The following MED13L variants were observed in gnomAD, a reference collection of about 807,000 sequenced individuals.
MED13L encodes mediator of RNA polymerase II transcription subunit 13-like.
In MED13L, 7 loss-of-function variants were observed where a neutral mutation model predicts 220.9. That is an observed-to-expected ratio of 0.03 (90% CI 0.02 to 0.06). The LOEUF (loss-of-function observed/expected upper bound fraction) is 0.06. MED13L is among the 10% of genes least tolerant of loss of function. The probability of loss-of-function intolerance (pLI) is 1.00; values close to 1 mark genes in which losing one functional copy is unlikely to be tolerated. For synonymous variants in MED13L, 1,011 were observed against 1,015.2 expected, an observed-to-expected ratio of 1.00 and a Z score of 0.08; for missense variants, 1,965 against 2,760.5, an observed-to-expected ratio of 0.71 and a Z score of 6.46.
rs916455934 is a variant in MED13L at position 115,991,939 on chromosome 12, C to G, written c.3015G>C (p.Gly1005=). 14 of 1,599,434 alleles carry G rather than the reference C, an allele frequency of 8.8e-6. No homozygotes were observed. Among genetic ancestry groups the G allele is most frequent in the African/African-American group, 4.0e-5 (3 of 74,840 alleles). The part of the protein sequence containing the change: ...RDGYNNVPSV[G]SLADPDYLNT... ...TCAGATAGTCTGGATCTGCTAGGCT[C>G]CCAACACTAGGCACGTTACTACAAA... The change falls in exon 17 of 31, where the codon GGG becomes GGC. Residue 1005 remains glycine, a synonymous_variant. Coordinates refer to ENST00000281928, the MANE Select transcript of MED13L (RefSeq NM_015335.5). The surrounding 1 kb of genome is among the most constrained non-coding windows in gnomAD (Gnocchi z 7.7).
At chr12:116,165,576 C>T (rs1004487216) in intron 2 of MED13L, among the ~76,000 whole-genome samples, 3 of 151,806 alleles carry the variant, frequency 2.0e-5, no homozygotes, top group African/African-American at 7.3e-5. Context: ...TGATCCCCCC[C>T]GCCTCAGCCT....
intron 4 of MED13L, among the ~76,000 whole-genome samples, chr12:116,067,787 A>C (rs556718392): frequency 6.6e-6 from 1 of 152,222 alleles, no homozygotes; most frequent in Non-Finnish European, 1.5e-5. Flanking sequence ...TGAACATAAC[A>C]ATCCTTACTT....
chr12:116,026,392 A>C (rs1047335765), intron 4 of MED13L, among the ~76,000 whole-genome samples: 4 of 152,238 alleles, frequency 2.6e-5, no homozygotes, highest in African/African-American at 9.6e-5. Context: ...TAAAAGAGGC[A>C]CTGAAAACAA....
At chr12:115,986,620 A>G (rs747384460) in intron 18 of MED13L, 131 bp from the exon 19 acceptor site, 10 of 895,708 alleles carry the variant, frequency 1.1e-5, no homozygotes, top group Non-Finnish European at 1.6e-5. Context: ...GACATTCTTA[A>G]AAGTATTTTT....
chr12:116,013,710 C>T (rs899416181), intron 8 of MED13L, among the ~76,000 whole-genome samples: 11 of 152,180 alleles, frequency 7.2e-5, no homozygotes, highest in Non-Finnish European at 1.3e-4. Flanking sequence ...AAAAGCAGAT[C>T]GCTTTATTAT....
In MED13L at chr12:115,991,086, T is replaced by C. The variant is rs200622440; in HGVS notation, c.3868A>G (p.Thr1290Ala). The change falls in exon 17 of 31, where the codon ACT becomes GCT. Residue 1290 changes from threonine (T) to alanine (A), a missense_variant. This residue lies in a region of MED13L where 165 missense variants were observed against 190.8 expected (regional missense o/e 0.86). Coordinates refer to ENST00000281928, the MANE Select transcript of MED13L (RefSeq NM_015335.5). This position sits in a 1 kb window ranked among gnomAD's most constrained non-coding sequence, Gnocchi z 7.7. ...EQGRQYVDNPTGGKVDEALVR... is the reference protein window; with the variant it reads ...EQGRQYVDNPAGGKVDEALVR... ...AGAGCTTCGTCCACTTTTCCACCAG[T>C]GGGGTTATCCACATACTGCCGCCCC... 1.6e-5 allele frequency: 26 copies of C among 1,614,042 alleles called. No individual in the cohort carries two copies. The highest frequency in any genetic ancestry group is 2.1e-5 in the Non-Finnish European group (25 of 1,180,026).
At chr12:116,260,496 T>C (rs1872429617) in intron 1 of MED13L, among the ~76,000 whole-genome samples, 1 of 151,614 alleles carries the variant, frequency 6.6e-6, no homozygotes, top group South Asian at 2.1e-4. Flanking sequence ...GAAGGAAAAA[T>C]TTCTCCAACA....
At chr12:116,107,341 A>G (rs1262683230) in intron 3 of MED13L, among the ~76,000 whole-genome samples, 4 of 152,258 alleles carry the variant, frequency 2.6e-5, no homozygotes, top group Non-Finnish European at 5.9e-5. Flanking sequence ...GTTTCAACAA[A>G]TACTGAAAAG....
intron 2 of MED13L, among the ~76,000 whole-genome samples, chr12:116,172,776 G>A (rs946815758): frequency 2.6e-5 from 4 of 152,024 alleles, no homozygotes; most frequent in African/African-American, 7.2e-5. Context: ...AAGAATAATC[G>A]AGATTATATA....
chr12:115,976,254 A>T (rs1455572178), intron 23 of MED13L, among the ~76,000 whole-genome samples: 1 of 152,222 alleles, frequency 6.6e-6, no homozygotes, highest in Admixed American at 6.5e-5. Flanking sequence ...CCAAACAGAA[A>T]GTTATCTAAA....
At chr12:116,168,443 C>G (rs2138171412) in intron 2 of MED13L, among the ~76,000 whole-genome samples, 1 of 152,122 alleles carries the variant, frequency 6.6e-6, no homozygotes, top group Non-Finnish European at 1.5e-5. Context: ...TGTGAATACA[C>G]TAACAGGCCT....
At chr12:116,198,663 C>T (rs1881806620) in intron 2 of MED13L, among the ~76,000 whole-genome samples, 1 of 152,114 alleles carries the variant, frequency 6.6e-6, no homozygotes, top group Non-Finnish European at 1.5e-5. Context: ...ATAATTACAT[C>T]TTTCTTAGTG....
chr12:116,155,433 G>A (rs1166876977), intron 2 of MED13L, among the ~76,000 whole-genome samples: 3 of 152,064 alleles, frequency 2.0e-5, no homozygotes, highest in East Asian at 1.9e-4. Context: ...AAAAAACGAC[G>A]TTCTCTTTAA....
intron 4 of MED13L, among the ~76,000 whole-genome samples, chr12:116,063,467 G>C (rs1178348794): frequency 6.6e-6 from 1 of 152,198 alleles, no homozygotes; most frequent in African/African-American, 2.4e-5. Flanking sequence ...ACAGTGAGCT[G>C]TGATCGTGCC....
intron 2 of MED13L, among the ~76,000 whole-genome samples, chr12:116,155,767 C>A (rs191977263): frequency 6.6e-6 from 1 of 152,026 alleles, no homozygotes; most frequent in Non-Finnish European, 1.5e-5. Context: ...ATTAACTATT[C>A]TTTGCTGTTG....
At chr12:116,066,238 T>C (rs1329431656) in intron 4 of MED13L, among the ~76,000 whole-genome samples, 1 of 152,218 alleles carries the variant, frequency 6.6e-6, no homozygotes, top group African/African-American at 2.4e-5. Flanking sequence ...TAAAGAGTTT[T>C]CATTGAGAGG....
At chr12:116,099,985 A>C (rs1020153589) in intron 3 of MED13L, among the ~76,000 whole-genome samples, 2 of 152,204 alleles carry the variant, frequency 1.3e-5, no homozygotes, top group Non-Finnish European at 2.9e-5. Context: ...ATGATTTTTC[A>C]TTTGCTAATG....
chr12:116,208,541 T>C (rs1382372802), intron 2 of MED13L, among the ~76,000 whole-genome samples: 2 of 152,364 alleles, frequency 1.3e-5, no homozygotes, highest in East Asian at 1.9e-4. Context: ...TTAACGTAGA[T>C]ACATCTCCCT....
chr12:116,072,297 C>T (rs1006762520), intron 4 of MED13L, among the ~76,000 whole-genome samples: 2 of 152,190 alleles, frequency 1.3e-5, no homozygotes, highest in African/African-American at 4.8e-5. Context: ...CTGGTCCAAA[C>T]CCCTGGTTTT....
Sources: gnomAD v4.1 joint callset for allele counts (sites outside exome capture counted in the v4.1 genomes callset) on GRCh38, gnomAD v4.1.1 for gene constraint, gnomAD v4.1.1 regional missense constraint, Gnocchi (gnomAD v3.1) non-coding constraint, MANE v1.5 for transcripts, NCBI Gene and HGNC (gene_info 2026-07-23, HGNC 2026-07-21) for gene names.